Variants in SNRNP200 observed in about 807,000 individuals in gnomAD.
SNRNP200 encodes U5 small nuclear ribonucleoprotein 200 kDa helicase.
SNRNP200 carries 66 observed loss-of-function variants against 255.2 expected under a neutral mutation model. The ratio of observed to expected loss-of-function variants is 0.26; its 90% confidence interval spans 0.21 to 0.32. The LOEUF (loss-of-function observed/expected upper bound fraction) is 0.32, where lower values mean the gene tolerates loss of function less well. Ranked by LOEUF, SNRNP200 falls within the 10% of genes least tolerant of loss-of-function variation. The pLI, the probability that SNRNP200 is intolerant of heterozygous loss-of-function variation, is 1.00. For synonymous variants in SNRNP200, 939 were observed against 1,027.8 expected (o/e 0.91, Z 1.65); for missense variants, 1,585 against 2,749.8 (o/e 0.58, Z 9.47).
chr2:96,295,775 T>A, intron 13 of SNRNP200, 117 bp from the exon 14 acceptor site: 1 of 1,018,912 alleles, frequency 9.8e-7, no homozygotes, highest in Non-Finnish European at 1.5e-6. Flanking sequence ...ATCAGGTGAA[T>A]ACAAGGCGAA....
Position 96,299,466 on chromosome 2 carries a change from G to A in SNRNP200, c.631-39C>T. On this transcript the variant is annotated intron_variant, in intron 5 of 44. Coordinates refer to ENST00000323853, the MANE Select transcript of SNRNP200 (RefSeq NM_014014.5). ...CCCAACTCAACCATGATCTGGAGCT[G>A]ATCCTGCATCACCACAGAACCTCTC... The A allele has an allele frequency of 2.0e-6, 3 of 1,515,524 alleles. No homozygotes were observed. In the East Asian group the frequency reaches 6.8e-5, roughly 34 times the overall value. 93.9% of individuals were successfully genotyped at this position (1,515,524 alleles called of 1,614,324 possible).
chr2:96,276,287 G>A (rs1016637607), intron 43 of SNRNP200, among the ~76,000 whole-genome samples: 3 of 152,092 alleles, frequency 2.0e-5, no homozygotes, highest in African/African-American at 7.2e-5. Flanking sequence ...GTGGCAGTGA[G>A]AAAAAAGAAG....
At position 96,278,024 on chromosome 2, in the gene SNRNP200, C is replaced by G; in HGVS notation, c.5611-74G>C. ...GAGACCAGCTCAGGCCAAAGCACCACGTGGCCCAGGCTCACACAGCCCTTC... is the reference window on the plus strand; with the variant it reads ...GAGACCAGCTCAGGCCAAAGCACCAGGTGGCCCAGGCTCACACAGCCCTTC... On this transcript the variant is annotated intron_variant, in intron 39 of 44. Transcript: ENST00000323853. The surrounding 1 kb of genome is among the most constrained non-coding windows in gnomAD (Gnocchi z 6.9). 6.2e-7 allele frequency: 1 copy of G among 1,603,380 alleles called. No individual in the cohort carries two copies. Among genetic ancestry groups the G allele is most frequent in the Non-Finnish European group, 8.5e-7 (1 of 1,170,838 alleles).
chr2:96,278,025 G>A lies in SNRNP200; in HGVS notation c.5611-75C>T, dbSNP rs1023898695. The A allele has an allele frequency of 2.5e-5, 40 of 1,601,592 alleles. No homozygotes were observed. The highest frequency in any genetic ancestry group is 1.9e-4 in the South Asian group (17 of 90,490). ...AGACCAGCTCAGGCCAAAGCACCAC[G>A]TGGCCCAGGCTCACACAGCCCTTCA... is the stretch of plus-strand genomic sequence containing the variant. On this transcript the variant is annotated intron_variant, in intron 39 of 44. Transcript: ENST00000323853. This position sits in a 1 kb window ranked among gnomAD's most constrained non-coding sequence, Gnocchi z 6.9.
In SNRNP200 at chr2:96,288,945, C is replaced by G. The variant is rs79570603; in HGVS notation, c.3174+92G>C. On this transcript the variant is annotated intron_variant, in intron 23 of 44. Transcript: ENST00000323853. ...ACTAGGAGAACTGAGCAGGAAACCA[C>G]ACATGAACCCAAATTCAAGGTTCAT... 1,408 of 1,261,084 alleles carry G rather than the reference C, an allele frequency of 1.1e-3. 33 individuals carry two copies. The East Asian group carries it at 0.031, about 28-fold the overall frequency. 78.1% of individuals were successfully genotyped at this position (1,261,084 alleles called of 1,614,324 possible).
At chr2:96,289,769 C>G in intron 21 of SNRNP200, 30 bp downstream of exon 21, 1 of 1,610,168 alleles carries the variant, frequency 6.2e-7, no homozygotes, top group Non-Finnish European at 8.5e-7. Flanking sequence ...TTTGCTGAGA[C>G]CTTTGCCTCA....
rs758065773 is a variant in SNRNP200 at position 96,285,248 on chromosome 2, G to T, written c.4096C>A (p.Arg1366=). ...KTICAEFAIL[R]MLLQSSEGRC... is the part of the protein sequence containing the mutation. ...CCCTCCGAGCTCTGCAGCAGCATTC[G>T]CAGGATGGCAAACTCTGCACAAATA... Residue 1366 remains arginine, a synonymous_variant, in exon 30 of 45, where the codon CGA becomes AGA. Coordinates refer to ENST00000323853, the MANE Select transcript of SNRNP200 (RefSeq NM_014014.5). The T allele has an allele frequency of 6.2e-7, 1 of 1,614,150 alleles. No homozygotes were observed. The highest frequency in any genetic ancestry group is 8.5e-7 in the Non-Finnish European group (1 of 1,180,034).
Position 96,299,446 on chromosome 2 carries a change from C to G in SNRNP200, c.631-19G>C. 6.3e-7 allele frequency: 1 copy of G among 1,593,368 alleles called. No homozygotes were observed. ...CACCTTCCTGTGGAAATGACCCCAACTCAACCATGATCTGGAGCTGATCCT... is the reference window on the plus strand; with the variant it reads ...CACCTTCCTGTGGAAATGACCCCAAGTCAACCATGATCTGGAGCTGATCCT... On this transcript the variant is annotated intron_variant, in intron 5 of 44. Coordinates refer to ENST00000323853, the MANE Select transcript of SNRNP200 (RefSeq NM_014014.5).
chr2:96,305,335 G>A (rs970341088), intron 1 of SNRNP200, 58 bp downstream of exon 1: 2 of 1,605,898 alleles, frequency 1.2e-6, no homozygotes, highest in Non-Finnish European at 8.5e-7. Flanking sequence ...CCCTTTTTCA[G>A]CCTCCCCCTC....
rs1433973667 is a variant in SNRNP200, at chr2:96,286,339, A to G, written c.3975T>C (p.Phe1325=). 1 of 1,614,002 alleles carries G rather than the reference A, an allele frequency of 6.2e-7. No individual in the cohort carries two copies. The highest frequency in any genetic ancestry group is 8.5e-7 in the Non-Finnish European group (1 of 1,180,030). ...GGGTCTGGATGGGATTGAAGAAAGGAAATTTATCTTGGTAAAGACTCTCAA... is the reference window on the plus strand; with the variant it reads ...GGGTCTGGATGGGATTGAAGAAAGGGAATTTATCTTGGTAAAGACTCTCAA... ...SAFESLYQDK[F]PFFNPIQTQV... The change falls in exon 29 of 45, where the codon TTT becomes TTC. Residue 1325 remains phenylalanine, a synonymous_variant. Coordinates refer to ENST00000323853, the MANE Select transcript of SNRNP200 (RefSeq NM_014014.5). The surrounding 1 kb of genome is among the most constrained non-coding windows in gnomAD (Gnocchi z 4.8).
At chr2:96,276,477 A>T in intron 43 of SNRNP200, 1 of 225,354 alleles carries the variant, frequency 4.4e-6, no homozygotes. Flanking sequence ...GCTGGTGTGC[A>T]GTGGGGCAAT....
At chr2:96,303,888 CAAA>C (rs757964935) in intron 2 of SNRNP200, among the ~76,000 whole-genome samples, 4 of 57,532 alleles carry the variant, frequency 7.0e-5, no homozygotes, top group Admixed American at 2.0e-4. Context: ...GATTCCGTCT[CAAA>C]AAAAAAAAAA....
chr2:96,278,068 G>C lies in SNRNP200; in HGVS notation c.5611-118C>G. The C allele has an allele frequency of 2.0e-6, 3 of 1,533,940 alleles. No individual in the cohort carries two copies. Among genetic ancestry groups the C allele is most frequent in the Non-Finnish European group, 2.7e-6 (3 of 1,109,690 alleles). On this transcript the variant is annotated intron_variant, in intron 39 of 44. Transcript: ENST00000323853. The surrounding 1 kb of genome is among the most constrained non-coding windows in gnomAD (Gnocchi z 6.9). ...GCCCTTCAACACCCTGAGGCATGTG[G>C]GTGGTAATGGGATGGAGATGGGTTT...
At chr2:96,304,584 T>G (rs1037359475) in intron 2 of SNRNP200, 121 bp downstream of exon 2, 14 of 1,356,188 alleles carry the variant, frequency 1.0e-5, no homozygotes, top group African/African-American at 1.4e-5. Context: ...GTTTTTACCT[T>G]CACTGAATTG....
intron 11 of SNRNP200, 74 bp from the exon 12 acceptor site, chr2:96,297,144 G>C: frequency 6.2e-7 from 1 of 1,606,836 alleles, no homozygotes; most frequent in South Asian, 1.1e-5. Context: ...GGATTGCCAG[G>C]ATTTTGTTCC....
At chr2:96,304,177 C>T (rs923024454) in intron 2 of SNRNP200, among the ~76,000 whole-genome samples, 3 of 150,880 alleles carry the variant, frequency 2.0e-5, no homozygotes, top group African/African-American at 7.3e-5. Flanking sequence ...AGCAAGACAC[C>T]AAGATATTCA....
rs773710448 is a variant in SNRNP200 at position 96,299,410 on chromosome 2, T to G, written c.648A>C (p.Val216=). 1 of 1,614,008 alleles carries G rather than the reference T, an allele frequency of 6.2e-7. No individual in the cohort carries two copies. The highest frequency in any genetic ancestry group is 2.2e-5 in the East Asian group (1 of 44,880). ...ESDEEEGDED[V]YGEVREEASD... is the part of the protein sequence containing the mutation. ...ATGCCTCTTCTCGAACCTCCCCGTA[T>G]ACGTCTTCATCACCTTCCTGTGGAA... The change falls in exon 6 of 45, where the codon GTA becomes GTC. Residue 216 remains valine (V), a synonymous_variant. Coordinates refer to ENST00000323853, the MANE Select transcript of SNRNP200 (RefSeq NM_014014.5).
intron 30 of SNRNP200, 28 bp downstream of exon 30, chr2:96,285,152 A>G: frequency 1.9e-6 from 3 of 1,613,300 alleles, no homozygotes; most frequent in Non-Finnish European, 2.5e-6. Context: ...TTCTTGGGAA[A>G]TTCACATGAC....
chr2:96,288,490 TA>T (rs2063857506), intron 24 of SNRNP200, among the ~76,000 whole-genome samples, 172 bp downstream of exon 24: 2 of 152,178 alleles, frequency 1.3e-5, no homozygotes, highest in Non-Finnish European at 2.9e-5. Flanking sequence ...TCAAGATGTA[TA>T]CTACAGAGTG....
Sources: allele counts gnomAD v4.1 joint callset (sites outside exome capture counted in the v4.1 genomes callset), GRCh38; gene constraint gnomAD v4.1.1; non-coding constraint Gnocchi (gnomAD v3.1); transcripts MANE v1.5; gene names NCBI Gene and HGNC (gene_info 2026-07-23, HGNC 2026-07-21).